Variants in MYOT observed in about 807,000 individuals in gnomAD.
The protein encoded by MYOT is myotilin, also known as 57 kDa cytoskeletal protein.
In MYOT, 36 loss-of-function variants were observed where a neutral mutation model predicts 58.0. The ratio of observed to expected loss-of-function variants is 0.62; its 90% CI spans 0.48 to 0.82. The LOEUF (loss-of-function observed/expected upper bound fraction) is 0.82. Among genes scored for constraint, MYOT ranks in the 40% least tolerant of loss-of-function variants. The probability of loss-of-function intolerance (pLI) is 0.00; values close to 1 mark genes in which losing one functional copy is unlikely to be tolerated. For missense variants in MYOT, 505 were observed against 592.1 expected (o/e 0.85, Z 1.53); for synonymous variants, 218 against 204.6 (o/e 1.07, Z -0.56).
At chr5:137,877,822 T>C (rs2149983403) in intron 4 of MYOT, among the ~76,000 whole-genome samples, 1 of 152,212 alleles carries the variant, frequency 6.6e-6, no homozygotes, top group East Asian at 1.9e-4. Context: ...AATACCTGGA[T>C]ACACAACGTC....
intron 3 of MYOT, among the ~76,000 whole-genome samples, chr5:137,876,915 T>C (rs1755241090): frequency 6.6e-6 from 1 of 152,144 alleles, no homozygotes; most frequent in African/African-American, 2.4e-5. Context: ...AGGAAAGGGT[T>C]GAATTTCCCT....
intron 4 of MYOT, 40 bp from the exon 5 acceptor site, chr5:137,880,776 C>T: frequency 6.6e-7 from 1 of 1,524,876 alleles, no homozygotes; most frequent in Non-Finnish European, 9.1e-7. Flanking sequence ...TTCAAGCTAA[C>T]AATTGCATGT....
At chr5:137,870,184 C>T (rs1306657145) in intron 1 of MYOT, among the ~76,000 whole-genome samples, 1 of 149,638 alleles carries the variant, frequency 6.7e-6, no homozygotes, top group African/African-American at 2.5e-5. Flanking sequence ...GGCGTGGTGG[C>T]TTATATGTGT....
In MYOT at chr5:137,885,175, G is replaced by A. The variant is rs117422794; in HGVS notation, c.1025-873G>A. On this transcript the variant is annotated intron_variant, in intron 7 of 9. Transcript: ENST00000239926. ...AACTATCGTTTCCTGTCTCCCCTCA[G>A]GTAGCTGAAAATAAGGTCATAATAA... Among the ~76,000 whole-genome samples, 748 of 152,294 alleles carry A rather than the reference G, an allele frequency of 4.9e-3. 19 individuals are homozygous for A. Among genetic ancestry groups the A allele is most frequent in the East Asian group, 0.035 (183 of 5,188 alleles).
At chr5:137,868,630 A>C (rs1413521412) in intron 1 of MYOT, among the ~76,000 whole-genome samples, 1 of 152,176 alleles carries the variant, frequency 6.6e-6, no homozygotes, top group African/African-American at 2.4e-5. Context: ...ATATGTAAAG[A>C]AAAAAAGAGA....
At chr5:137,880,715 C>T (rs1272373580) in intron 4 of MYOT, 101 bp from the exon 5 acceptor site, 3 of 1,016,734 alleles carry the variant, frequency 3.0e-6, no homozygotes, top group Non-Finnish European at 4.6e-6. Flanking sequence ...TGTTCAAATA[C>T]AGCCAAAATA....
At chr5:137,883,700 C>A in intron 7 of MYOT, 109 bp downstream of exon 7, 2 of 945,200 alleles carry the variant, frequency 2.1e-6, no homozygotes, top group South Asian at 1.4e-5. Flanking sequence ...AGGTTAATGT[C>A]TATACAACCT....
Position 137,882,452 on chromosome 5 carries a change from CT to C in MYOT, c.816+361del, listed in dbSNP as rs538339394. ...AATATAATTTTTAAAGTACAATGCC[CT>C]TTTTTTTTTTTTTGAGACAGGGTCT... On this transcript the variant is annotated intron_variant, in intron 6 of 9. Transcript: ENST00000239926. Among the ~76,000 whole-genome samples the C allele has an allele frequency of 9.1e-3, 1,305 of 143,910 alleles. 10 individuals carry two copies. Among genetic ancestry groups the C allele is most frequent in the Admixed American group, 0.025 (361 of 14,440 alleles). The allele number at this position is 143,910 out of a possible 152,430, so 94.4% of individuals were successfully genotyped here. A position where few individuals can be genotyped will look rare whatever the true frequency, so the allele number is the denominator to read the frequency against.
intron 9 of MYOT, 96 bp from the exon 10 acceptor site, chr5:137,887,117 G>A: frequency 6.4e-7 from 1 of 1,573,190 alleles, no homozygotes; most frequent in African/African-American, 1.4e-5. Context: ...ATCAGTTTTG[G>A]TTCTTTTTTC....
intron 4 of MYOT, 108 bp downstream of exon 4, chr5:137,877,729 A>G (rs1456128685): frequency 8.9e-6 from 7 of 783,882 alleles, no homozygotes; most frequent in Non-Finnish European, 1.4e-5. Context: ...GGTCAGTTCC[A>G]TCCACCACTG....
chr5:137,882,790 AG>A (rs759466276), intron 6 of MYOT: 2 of 156,056 alleles, frequency 1.3e-5, no homozygotes, highest in Non-Finnish European at 2.8e-5. Context: ...AGACTAGAAA[AG>A]CTCTTTAGAA....
chr5:137,885,105 G>A (rs991914470), intron 7 of MYOT, among the ~76,000 whole-genome samples: 1 of 152,166 alleles, frequency 6.6e-6, no homozygotes, highest in Non-Finnish European at 1.5e-5. Context: ...GCTGCCATCC[G>A]TTTAATCTCA....
Position 137,880,180 on chromosome 5 carries a change from T to A in MYOT, c.634-636T>A, listed in dbSNP as rs776132012. Among the ~76,000 whole-genome samples, 3 of 152,218 alleles carry A rather than the reference T, an allele frequency of 2.0e-5. No homozygotes were observed. The East Asian group carries it at 5.8e-4, about 29-fold the overall frequency. Reference sequence around the variant, plus strand: ...CTTATAATTTTCATAAATCCCTGATTTTATTCTCAAATAGAAATAATTTTC... The same window carrying A: ...CTTATAATTTTCATAAATCCCTGATATTATTCTCAAATAGAAATAATTTTC... On this transcript the variant is annotated intron_variant, in intron 4 of 9. Transcript: ENST00000239926.
chr5:137,874,773 T>C (rs754588020), intron 2 of MYOT, among the ~76,000 whole-genome samples: 45 of 152,254 alleles, frequency 3.0e-4, no homozygotes, highest in Admixed American at 3.9e-4. Flanking sequence ...ATCACTTCAG[T>C]AGTATTGAAG....
chr5:137,874,503 C>G (rs1398752207), intron 2 of MYOT, among the ~76,000 whole-genome samples: 1 of 152,030 alleles, frequency 6.6e-6, no homozygotes, highest in Non-Finnish European at 1.5e-5. Flanking sequence ...AAGATTAGCC[C>G]CTGCAGGGCT....
chr5:137,877,281 T>C (rs1227192148), intron 3 of MYOT, among the ~76,000 whole-genome samples: 1 of 142,028 alleles, frequency 7.0e-6, no homozygotes, highest in African/African-American at 2.7e-5. Context: ...GGCAGGAGAA[T>C]GGCGTGAACC....
At position 137,870,497 on chromosome 5, in the gene MYOT, A is replaced by G; in HGVS notation, c.-155A>G. 1 of 727,684 alleles carries G rather than the reference A, an allele frequency of 1.4e-6. No individual in the cohort carries two copies. The highest frequency in any genetic ancestry group is 2.5e-6 in the Non-Finnish European group (1 of 401,506). The allele number at this position is 727,684 out of a possible 1,614,324, so 45.1% of individuals were successfully genotyped here. On this transcript the variant is annotated 5_prime_UTR_variant, in exon 2 of 10. Coordinates refer to ENST00000239926, the MANE Select transcript of MYOT (RefSeq NM_006790.3). ...CCAAAGCCAGGAGCACAGTATTCTC[A>G]GGATCTCAACAAGGAAGAGCAGACC... is the stretch of plus-strand genomic sequence containing the variant.
intron 2 of MYOT, among the ~76,000 whole-genome samples, chr5:137,873,087 G>A (rs1437172178): frequency 6.6e-6 from 1 of 152,146 alleles, no homozygotes; most frequent in African/African-American, 2.4e-5. Context: ...TGATTCTCAG[G>A]ATTGGTTTTG....
At position 137,880,663 on chromosome 5, in the gene MYOT, C is replaced by T. The variant is rs1453541485; in HGVS notation, c.634-153C>T. On this transcript the variant is annotated intron_variant, in intron 4 of 9. Transcript: ENST00000239926. ...AGTGGTAGTATGTTAGTGCACTGTA[C>T]TTTAAGGGCTTAAAAGCTGAATATA... The T allele has an allele frequency of 7.7e-6, 5 of 651,886 alleles. No homozygotes were observed. In the African/African-American group the frequency reaches 9.1e-5, roughly 12 times the overall value. 40.4% of individuals were successfully genotyped at this position (651,886 alleles called of 1,614,324 possible).
Sources: gnomAD v4.1 joint callset for allele counts (sites outside exome capture counted in the v4.1 genomes callset) on GRCh38, gnomAD v4.1.1 for gene constraint, MANE v1.5 for transcripts, NCBI Gene and HGNC (gene_info 2026-07-23, HGNC 2026-07-21) for gene names.